The following CLASP1 variants were observed in gnomAD, a reference collection of about 807,000 sequenced individuals.
The protein encoded by CLASP1 is cytoplasmic linker associated protein 1, also known as CLIP-associating protein 1.
CLASP1 carries 38 observed loss-of-function variants against 192.3 expected under a neutral mutation model. The ratio of observed to expected loss-of-function variants is 0.20; its 90% CI spans 0.15 to 0.26. CLASP1 has a LOEUF of 0.26. CLASP1 is among the 10% of genes least tolerant of loss of function. The pLI is 1.00. For synonymous variants in CLASP1, 691 were observed against 712.8 expected (o/e 0.97, Z 0.49); for missense variants, 1,433 against 1,932.5 (o/e 0.74, Z 4.85).
intron 34 of CLASP1, among the ~76,000 whole-genome samples, chr2:121,368,725 T>C (rs1031862955): frequency 9.2e-5 from 14 of 152,322 alleles, no homozygotes; most frequent in African/African-American, 1.2e-4. Flanking sequence ...CCAGAACACA[T>C]TGGTGACACC....
intron 30 of CLASP1, among the ~76,000 whole-genome samples, chr2:121,395,296 C>A (rs554102641): frequency 1.3e-5 from 2 of 152,130 alleles, no homozygotes; most frequent in South Asian, 2.1e-4. Context: ...ATTTGTTATA[C>A]AATAGAAAAC....
intron 21 of CLASP1, among the ~76,000 whole-genome samples, chr2:121,425,826 G>A (rs1018866125): frequency 2.8e-4 from 43 of 152,142 alleles, no homozygotes; most frequent in Admixed American, 2.0e-4. Flanking sequence ...AATAAATGTG[G>A]CTGGATTAAA....
intron 22 of CLASP1, 140 bp from the exon 23 acceptor site, chr2:121,418,869 T>C: frequency 1.6e-6 from 1 of 639,784 alleles, no homozygotes; most frequent in Non-Finnish European, 2.8e-6. Context: ...GAGCCACCTA[T>C]CCATGCTGAG....
chr2:121,518,880 GAAAAAGAA>G (rs1559498864), intron 6 of CLASP1, among the ~76,000 whole-genome samples: 1 of 151,876 alleles, frequency 6.6e-6, no homozygotes, highest in Non-Finnish European at 1.5e-5. Context: ...GCTGTCTCAA[GAAAAAGAA>G]AAAAAGAAAA....
At chr2:121,603,054 T>C (rs1224319097) in intron 2 of CLASP1, 1 of 151,994 alleles carries the variant, frequency 6.6e-6, no homozygotes, top group Non-Finnish European at 1.5e-5. Context: ...AAATTACTCC[T>C]CTGACAGGAG....
intron 2 of CLASP1, among the ~76,000 whole-genome samples, chr2:121,543,494 A>G (rs1368674888): frequency 6.6e-6 from 1 of 152,138 alleles, no homozygotes; most frequent in Non-Finnish European, 1.5e-5. Flanking sequence ...TAAGTTTCCC[A>G]TATGGACTTT....
chr2:121,421,414 A>C (rs536239590), intron 22 of CLASP1, among the ~76,000 whole-genome samples: 1 of 151,684 alleles, frequency 6.6e-6, no homozygotes, highest in African/African-American at 2.4e-5. Context: ...TGCCCGGCTA[A>C]TTTTTTGTAG....
intron 2 of CLASP1, among the ~76,000 whole-genome samples, chr2:121,580,786 CA>C (rs2105557329): frequency 6.6e-6 from 1 of 152,222 alleles, no homozygotes; most frequent in South Asian, 2.1e-4. Context: ...CTTGGACACA[CA>C]ACGCATGCAC....
intron 1 of CLASP1, among the ~76,000 whole-genome samples, chr2:121,612,265 G>A (rs748847230): frequency 4.6e-5 from 7 of 151,064 alleles, no homozygotes; most frequent in Non-Finnish European, 7.4e-5. Flanking sequence ...GGAGTTATAG[G>A]AGGAAGAGGA....
rs78454196 is a variant in CLASP1, at chr2:121,585,461, G to A, written c.195+20240C>T. Among the ~76,000 whole-genome samples, 1,176 of 152,260 alleles carry A rather than the reference G, an allele frequency of 7.7e-3. 2 individuals carry two copies. The highest frequency in any genetic ancestry group is 0.013 in the Non-Finnish European group (878 of 68,016). On this transcript the variant is annotated intron_variant, in intron 2 of 39. Transcript: ENST00000263710. ...TAGAACACAGCTCCACAGAGACTAAGTATACTTGCTCTCCTTTGCCAGCGT... is the reference window on the plus strand; with the variant it reads ...TAGAACACAGCTCCACAGAGACTAAATATACTTGCTCTCCTTTGCCAGCGT...
chr2:121,531,058 A>C, intron 2 of CLASP1: 1 of 697,028 alleles, frequency 1.4e-6, no homozygotes, highest in Non-Finnish European at 2.6e-6. Context: ...GTAATTCGTA[A>C]ATAAACTAGT....
At chr2:121,348,911 A>G (rs936469844) in intron 37 of CLASP1, among the ~76,000 whole-genome samples, 193 bp from the exon 39 acceptor site, 1 of 152,118 alleles carries the variant, frequency 6.6e-6, no homozygotes, top group Non-Finnish European at 1.5e-5. Context: ...GGGCCACGGA[A>G]AGGCAGGTCT....
intron 22 of CLASP1, among the ~76,000 whole-genome samples, chr2:121,419,184 C>G (rs1375410228): frequency 2.0e-5 from 3 of 152,172 alleles, no homozygotes; most frequent in Non-Finnish European, 4.4e-5. Context: ...AATAACCACA[C>G]TGGTCACTGA....
chr2:121,339,618 G>A (rs924498836), exon 40 of CLASP1: 1 of 152,124 alleles, frequency 6.6e-6, no homozygotes, highest in Non-Finnish European at 1.5e-5. Flanking sequence ...GGGGCCTAGT[G>A]GTTCGCTGAG....
intron 2 of CLASP1, among the ~76,000 whole-genome samples, chr2:121,566,488 G>C (rs1365065843): frequency 6.6e-6 from 1 of 152,182 alleles, no homozygotes; most frequent in African/African-American, 2.4e-5. Flanking sequence ...AACTATAGCA[G>C]AGAACTAAAG....
At chr2:121,395,661 C>G (rs1201957041) in intron 30 of CLASP1, among the ~76,000 whole-genome samples, 1 of 152,196 alleles carries the variant, frequency 6.6e-6, no homozygotes, top group Non-Finnish European at 1.5e-5. Context: ...ATCTTATCTT[C>G]TCTAGGAAGC....
chr2:121,372,181 T>A (rs1027260944), intron 34 of CLASP1, among the ~76,000 whole-genome samples: 3 of 152,208 alleles, frequency 2.0e-5, no homozygotes, highest in East Asian at 1.9e-4. Flanking sequence ...AAGCAAATAA[T>A]CCAATGGAGC....
intron 19 of CLASP1, among the ~76,000 whole-genome samples, chr2:121,433,952 C>G (rs2081906492): frequency 1.3e-5 from 2 of 151,758 alleles, no homozygotes; most frequent in African/African-American, 4.8e-5. Context: ...TTTTTTTTTG[C>G]ATCTCCACTG....
At chr2:121,476,498 T>C (rs944797241) in intron 8 of CLASP1, among the ~76,000 whole-genome samples, 2 of 152,188 alleles carry the variant, frequency 1.3e-5, no homozygotes, top group African/African-American at 4.8e-5. Context: ...GGCCATACTG[T>C]TCGCTCGGAA....
Sources: allele counts gnomAD v4.1 joint callset (sites outside exome capture counted in the v4.1 genomes callset), GRCh38; gene constraint gnomAD v4.1.1; transcripts MANE v1.5; gene names NCBI Gene and HGNC (gene_info 2026-07-23, HGNC 2026-07-21).